Variants in PDLIM5 observed in about 807,000 individuals in gnomAD.
The protein encoded by PDLIM5 is PDZ and LIM domain 5.
PDLIM5 carries 34 observed loss-of-function variants against 64.2 expected under a neutral mutation model. That is an observed-to-expected ratio of 0.53 (90% CI 0.40 to 0.71). PDLIM5 has a LOEUF of 0.71. Among genes scored for constraint, PDLIM5 ranks in the 30% least tolerant of loss-of-function variants. PDLIM5 has a pLI of 0.00. For synonymous variants in PDLIM5, 253 were observed against 269.1 expected, an observed-to-expected ratio of 0.94 and a Z score of 0.59; for missense variants, 683 against 733.6, an observed-to-expected ratio of 0.93 and a Z score of 0.80.
intron 2 of PDLIM5, among the ~76,000 whole-genome samples, chr4:94,501,118 G>A (rs1185974037): frequency 2.7e-5 from 4 of 150,182 alleles, no homozygotes; most frequent in African/African-American, 9.9e-5. Context: ...TCTTGCCCAG[G>A]CTGGAGTACA....
At chr4:94,457,401 T>G (rs865809735) in intron 2 of PDLIM5, among the ~76,000 whole-genome samples, 1 of 152,202 alleles carries the variant, frequency 6.6e-6, no homozygotes, top group African/African-American at 2.4e-5. Flanking sequence ...TATTCCTGTT[T>G]GAGTGAGTTG....
rs1207702292 is a variant in PDLIM5 at position 94,575,949 on chromosome 4, G to C, written c.625G>C (p.Val209Leu). ...AGTTAATGTCCCACGGCAGCCCACA[G>C]TCACCAGCGTGTGTTCCGAGACTTC... Reference protein sequence around the residue: ...TAVNVPRQPTVTSVCSETSQE... With the variant: ...TAVNVPRQPTLTSVCSETSQE... Residue 209 changes from valine (V) to leucine (L), a missense_variant, in exon 5 of 13, where the codon GTC (valine) becomes CTC (leucine). Coordinates refer to ENST00000317968, the MANE Select transcript of PDLIM5 (RefSeq NM_006457.5). 1.4e-5 allele frequency: 22 copies of C among 1,614,186 alleles called. No homozygotes were observed. The highest frequency in any genetic ancestry group is 1.9e-5 in the Non-Finnish European group (22 of 1,180,006).
chr4:94,652,855 T>TA (rs1200973196), intron 9 of PDLIM5, among the ~76,000 whole-genome samples: 1 of 152,144 alleles, frequency 6.6e-6, no homozygotes, highest in Non-Finnish European at 1.5e-5. Context: ...AATACCCTCT[T>TA]ACACCCCACG....
In PDLIM5 at chr4:94,523,953, T is replaced by TA; in HGVS notation, c.248+80dup. 4.1e-6 allele frequency: 4 copies of TA among 973,980 alleles called. No homozygotes were observed. The East Asian group carries it at 9.7e-5, about 24-fold the overall frequency. The allele number at this position is 973,980 out of a possible 1,614,324, so 60.3% of individuals were successfully genotyped here. A position where few individuals can be genotyped will look rare whatever the true frequency, so the allele number is the denominator to read the frequency against. ...TTTTTGTGTGTCTGACTCACGGTGT[T>TA]AACTAAGACTCAGTTTCTGCTACCA... On this transcript the variant is annotated intron_variant, in intron 3 of 12. Transcript: ENST00000317968.
At position 94,529,644 on chromosome 4, in the gene PDLIM5, T is replaced by C. The variant is rs537460157; in HGVS notation, c.248+5769T>C. ...CATATAATAAAGCAAACACATTTTC[T>C]TTCTATGACATCCTAAAAAATAAGA... On this transcript the variant is annotated intron_variant, in intron 3 of 12. Coordinates refer to ENST00000317968, the MANE Select transcript of PDLIM5 (RefSeq NM_006457.5). Among the ~76,000 whole-genome samples, 14 of 152,318 alleles carry C rather than the reference T, an allele frequency of 9.2e-5. No homozygotes were observed. In the South Asian group the frequency reaches 2.9e-3, roughly 32 times the overall value.
chr4:94,553,382 T>TA (rs1385365931), intron 3 of PDLIM5, among the ~76,000 whole-genome samples: 1 of 152,192 alleles, frequency 6.6e-6, no homozygotes, highest in African/African-American at 2.4e-5. Context: ...GTGCTGGGAT[T>TA]ACAGGCGTGA....
At chr4:94,623,135 G>A (rs898582752) in intron 8 of PDLIM5, among the ~76,000 whole-genome samples, 5 of 151,878 alleles carry the variant, frequency 3.3e-5, no homozygotes, top group Admixed American at 2.6e-4. Flanking sequence ...CATTGTTACT[G>A]TCCAAAAACT....
intron 5 of PDLIM5, chr4:94,577,482 T>G (rs1182810861): frequency 1.0e-5 from 4 of 382,196 alleles, no homozygotes; most frequent in African/African-American, 8.6e-5. Flanking sequence ...TATATATATA[T>G]ATTGAGGAAA....
intron 7 of PDLIM5, among the ~76,000 whole-genome samples, chr4:94,617,530 G>T (rs1203668216): frequency 6.6e-6 from 1 of 151,806 alleles, no homozygotes. Context: ...AACTGGGCTG[G>T]GAATGATGGC....
chr4:94,612,187 CA>C (rs1738422356), intron 7 of PDLIM5, among the ~76,000 whole-genome samples: 1 of 152,156 alleles, frequency 6.6e-6, no homozygotes, highest in Admixed American at 6.5e-5. Flanking sequence ...CATTGCACTC[CA>C]GCCTGGGCGA....
chr4:94,454,585 C>G (rs896413875), intron 1 of PDLIM5, among the ~76,000 whole-genome samples: 7 of 152,162 alleles, frequency 4.6e-5, no homozygotes, highest in African/African-American at 1.4e-4. Context: ...ACTAACATCA[C>G]TGTACTAGAG....
intron 3 of PDLIM5, among the ~76,000 whole-genome samples, chr4:94,570,082 A>G (rs1407736486): frequency 6.6e-6 from 1 of 152,040 alleles, no homozygotes; most frequent in Non-Finnish European, 1.5e-5. Context: ...CAGAATTATT[A>G]TAATTATAAT....
rs190754936 is a variant in PDLIM5, at chr4:94,625,553, C to T, written c.1108+7362C>T. On this transcript the variant is annotated intron_variant, in intron 8 of 12. Transcript: ENST00000317968. Reference sequence around the variant, plus strand: ...CTGCAAGCTCCACCTCCCAGGTTCACGCCATTCTCCTGCCTCAGCCCCCCA... The same window carrying T: ...CTGCAAGCTCCACCTCCCAGGTTCATGCCATTCTCCTGCCTCAGCCCCCCA... Among the ~76,000 whole-genome samples the T allele has an allele frequency of 5.3e-3, 797 of 151,618 alleles. 8 individuals are homozygous for T. The highest frequency in any genetic ancestry group is 0.018 in the African/African-American group (751 of 41,300).
intron 3 of PDLIM5, among the ~76,000 whole-genome samples, chr4:94,562,659 G>A (rs1733948121): frequency 6.6e-6 from 1 of 152,200 alleles, no homozygotes; most frequent in Admixed American, 6.5e-5. Context: ...ATTCCATGAT[G>A]TGAGTAACAT....
intron 7 of PDLIM5, among the ~76,000 whole-genome samples, chr4:94,615,592 A>G (rs762385330): frequency 6.6e-6 from 1 of 152,194 alleles, no homozygotes; most frequent in Non-Finnish European, 1.5e-5. Flanking sequence ...ATAGGAGATA[A>G]GATTAGACTG....
At chr4:94,532,378 G>A (rs1289313960) in intron 3 of PDLIM5, among the ~76,000 whole-genome samples, 2 of 152,148 alleles carry the variant, frequency 1.3e-5, no homozygotes, top group African/African-American at 4.8e-5. Context: ...AGAAGAAAAG[G>A]GCTCCCTGCT....
rs1735320584 is a variant in PDLIM5, at chr4:94,576,944, A to G, written c.710+910A>G. On this transcript the variant is annotated intron_variant, in intron 5 of 12. Coordinates refer to ENST00000317968, the MANE Select transcript of PDLIM5 (RefSeq NM_006457.5). ...AGTCAGAAATTTATGTTGAGGAGCA[A>G]GGATTTAAGTTGGCCGTGAGAGGTT... 2.0e-5 allele frequency among the ~76,000 whole-genome samples: 3 copies of G among 152,248 alleles called. No homozygotes were observed. In the South Asian group the frequency reaches 6.2e-4, roughly 32 times the overall value.
At chr4:94,507,512 C>T (rs1342273001) in intron 2 of PDLIM5, among the ~76,000 whole-genome samples, 2 of 152,116 alleles carry the variant, frequency 1.3e-5, no homozygotes, top group Non-Finnish European at 2.9e-5. Flanking sequence ...GTTATGTGCT[C>T]ATATATATAA....
At chr4:94,608,089 G>C (rs1194981235) in intron 7 of PDLIM5, 1 of 1,533,258 alleles carries the variant, frequency 6.5e-7, no homozygotes, top group African/African-American at 1.4e-5. Context: ...ACCTACCTAA[G>C]AGTGGACCTC....
Sources: gnomAD v4.1 joint callset for allele counts (sites outside exome capture counted in the v4.1 genomes callset) on GRCh38, gnomAD v4.1.1 for gene constraint, MANE v1.5 for transcripts, NCBI Gene and HGNC (gene_info 2026-07-23, HGNC 2026-07-21) for gene names.